ABCB1: variants seen among roughly 807,000 people sequenced by gnomAD.
ABCB1 encodes ATP binding cassette subfamily B member 1.
In ABCB1, 69 loss-of-function variants were observed where a neutral mutation model predicts 142.0. That is an observed-to-expected ratio of 0.49 (90% CI 0.40 to 0.59). ABCB1 has a LOEUF of 0.59. Ranked by LOEUF, ABCB1 falls within the 20% of genes least tolerant of loss-of-function variation. The pLI, the probability that ABCB1 is intolerant of heterozygous loss-of-function variation, is 0.00. For missense variants in ABCB1, 1,326 were observed against 1,554.7 expected (o/e 0.85, Z 2.47); for synonymous variants, 532 against 539.2 (o/e 0.99, Z 0.18).
At chr7:87,595,662 A>T in intron 3 of ABCB1, 104 bp downstream of exon 3, 1 of 924,958 alleles carries the variant, frequency 1.1e-6, no homozygotes, top group South Asian at 1.4e-5. Context: ...CTCCATTAAC[A>T]TACCCTATAC....
intron 25 of ABCB1, among the ~76,000 whole-genome samples, chr7:87,512,088 GA>G (rs1472699179): frequency 9.2e-5 from 14 of 151,944 alleles, no homozygotes; most frequent in African/African-American, 3.4e-4. Flanking sequence ...ACCTAAAAAT[GA>G]AAAGGGACCA....
chr7:87,602,292 CTTTTTT>C (rs59849542), upstream of ABCB1, among the ~76,000 whole-genome samples: 28 of 92,408 alleles, frequency 3.0e-4, no homozygotes, highest in African/African-American at 7.3e-4. Flanking sequence ...AGCTCGGCCT[CTTTTTT>C]TTTTTTTTTT....
In ABCB1 at chr7:87,544,105, C is replaced by A. The variant is rs1584864540; in HGVS notation, c.2211+24G>T. ...CTTCCATCAGGATTCACAAGTAAAT[C>A]ACACAAATGGGCATCACACTTACCC... On this transcript the variant is annotated intron_variant, in intron 17 of 27. Transcript: ENST00000622132. 1 of 1,613,296 alleles carries A rather than the reference C, an allele frequency of 6.2e-7. No individual in the cohort carries two copies. Among genetic ancestry groups the A allele is most frequent in the Non-Finnish European group, 8.5e-7 (1 of 1,179,440 alleles).
At chr7:87,673,098 C>T (rs1415576280) in intron 1 of ABCB1, among the ~76,000 whole-genome samples, 2 of 152,194 alleles carry the variant, frequency 1.3e-5, no homozygotes, top group Admixed American at 6.5e-5. Context: ...TTTGCCTGAT[C>T]GGGTTCCCTT....
chr7:87,671,496 T>A (rs1257069194), intron 1 of ABCB1, among the ~76,000 whole-genome samples: 1 of 152,140 alleles, frequency 6.6e-6, no homozygotes, highest in Non-Finnish European at 1.5e-5. Flanking sequence ...TGCTGTGGTA[T>A]GTTTGCTCCA....
At chr7:87,533,835 T>C (rs542267241) in intron 20 of ABCB1, among the ~76,000 whole-genome samples, 26 of 152,312 alleles carry the variant, frequency 1.7e-4, no homozygotes, top group African/African-American at 3.6e-4. Context: ...AGGTTGACAA[T>C]GTTTGCCAAC....
intron 1 of ABCB1, among the ~76,000 whole-genome samples, chr7:87,608,417 T>G (rs2130040746): frequency 6.6e-6 from 1 of 152,352 alleles, no homozygotes; most frequent in Admixed American, 6.5e-5. Flanking sequence ...TATAAAGTAA[T>G]AAGCCAAATT....
Position 87,503,516 on chromosome 7 carries a change from A to T in ABCB1, c.*727T>A, listed in dbSNP as rs1163145468. ...AAAAAATCCTTAAAGAACCCTTTATAAAAGCAATGCAAAGTATTTACTATA... is the reference window on the plus strand; with the variant it reads ...AAAAAATCCTTAAAGAACCCTTTATTAAAGCAATGCAAAGTATTTACTATA... On this transcript the variant is annotated 3_prime_UTR_variant, in exon 28 of 28. Coordinates refer to ENST00000622132, the MANE Select transcript of ABCB1 (RefSeq NM_001348946.2). 1 of 152,216 alleles carries T rather than the reference A, an allele frequency of 6.6e-6. No homozygotes were observed. The highest frequency in any genetic ancestry group is 6.5e-5 in the Admixed American group (1 of 15,282). 9.4% of individuals were successfully genotyped at this position (152,216 alleles called of 1,614,324 possible).
intron 1 of ABCB1, among the ~76,000 whole-genome samples, chr7:87,626,003 T>TATGTAC (rs1217087778): frequency 7.0e-6 from 1 of 142,638 alleles, no homozygotes; most frequent in East Asian, 2.0e-4. Context: ...TATATATGTA[T>TATGTAC]ATGTACATAT....
intron 21 of ABCB1, among the ~76,000 whole-genome samples, chr7:87,529,692 C>G (rs892747244): frequency 6.6e-6 from 1 of 152,212 alleles, no homozygotes; most frequent in Non-Finnish European, 1.5e-5. Context: ...ATTTCAAATA[C>G]CTCATTAAAT....
intron 1 of ABCB1, among the ~76,000 whole-genome samples, chr7:87,637,588 T>G (rs1434194235): frequency 1.3e-5 from 2 of 152,120 alleles, no homozygotes; most frequent in Non-Finnish European, 2.9e-5. Context: ...TATTCTAGAA[T>G]TTTTCTCAAT....
intron 1 of ABCB1, among the ~76,000 whole-genome samples, chr7:87,696,490 C>A (rs1331665199): frequency 6.6e-6 from 1 of 152,070 alleles, no homozygotes; most frequent in Non-Finnish European, 1.5e-5. Flanking sequence ...CTAAATTAAA[C>A]CTTTCTGTAG....
At chr7:87,579,809 T>A (rs1818432754) in intron 4 of ABCB1, among the ~76,000 whole-genome samples, 1 of 152,202 alleles carries the variant, frequency 6.6e-6, no homozygotes, top group African/African-American at 2.4e-5. Flanking sequence ...TTTTTATGTA[T>A]CTGCTGTATG....
intron 1 of ABCB1, among the ~76,000 whole-genome samples, chr7:87,622,056 T>G (rs1820243512): frequency 6.6e-6 from 1 of 152,122 alleles, no homozygotes; most frequent in African/African-American, 2.4e-5. Context: ...TATATAATCT[T>G]GGAGGTGGCA....
chr7:87,663,915 T>C (rs181680769), intron 1 of ABCB1, among the ~76,000 whole-genome samples: 127 of 152,248 alleles, frequency 8.3e-4, no homozygotes, highest in African/African-American at 3.0e-3. Flanking sequence ...TGACTCTTTG[T>C]ATGATCCTAC....
intron 1 of ABCB1, among the ~76,000 whole-genome samples, chr7:87,702,165 A>AAC (rs1563145908): frequency 3.3e-5 from 5 of 149,804 alleles, no homozygotes; most frequent in African/African-American, 1.2e-4. Flanking sequence ...AAAAAAAAAA[A>AAC]AAAAAAACAG....
chr7:87,675,645 T>C (rs1230662931), intron 1 of ABCB1, among the ~76,000 whole-genome samples: 1 of 95,978 alleles, frequency 1.0e-5, no homozygotes, highest in Non-Finnish European at 2.0e-5. Flanking sequence ...AAACTGAATA[T>C]TCACATGCAA....
intron 1 of ABCB1, among the ~76,000 whole-genome samples, chr7:87,690,622 C>T (rs1021955678): frequency 6.6e-6 from 1 of 152,132 alleles, no homozygotes; most frequent in Non-Finnish European, 1.5e-5. Flanking sequence ...AGCTGAATTA[C>T]AGTACTGTAG....
At chr7:87,651,699 T>C (rs183533853) in intron 1 of ABCB1, among the ~76,000 whole-genome samples, 38 of 152,236 alleles carry the variant, frequency 2.5e-4, no homozygotes, top group Admixed American at 2.4e-3. Context: ...GTAACATAAC[T>C]TATGAGCATC....
Sources: allele counts gnomAD v4.1 joint callset (sites outside exome capture counted in the v4.1 genomes callset), GRCh38; gene constraint gnomAD v4.1.1; transcripts MANE v1.5; gene names NCBI Gene and HGNC (gene_info 2026-07-23, HGNC 2026-07-21).